Variants in NCK1 observed in about 807,000 individuals in gnomAD.
The protein encoded by NCK1 is NCK adaptor protein 1.
In NCK1, 19 loss-of-function variants were observed where a neutral mutation model predicts 36.6. The observed-to-expected ratio is 0.52, with a 90% confidence interval of 0.36 to 0.76. NCK1 has a LOEUF of 0.76. NCK1 is among the 30% of genes least tolerant of loss of function. The pLI is 0.00. For synonymous variants in NCK1, 165 were observed against 156.0 expected, an observed-to-expected ratio of 1.06 and a Z score of -0.43; for missense variants, 358 against 445.6, an observed-to-expected ratio of 0.80 and a Z score of 1.77.
intron 2 of NCK1, among the ~76,000 whole-genome samples, chr3:136,940,160 GC>G (rs556045327): frequency 2.8e-4 from 43 of 152,128 alleles, no homozygotes; most frequent in Non-Finnish European, 5.1e-4. Context: ...ACTGTGCCTG[GC>G]CTATTGAGCC....
intron 1 of NCK1, among the ~76,000 whole-genome samples, chr3:136,917,032 T>C (rs970810517): frequency 6.6e-6 from 1 of 152,180 alleles, no homozygotes; most frequent in Non-Finnish European, 1.5e-5. Flanking sequence ...AGGTGAAATA[T>C]TGTACATTTG....
intron 1 of NCK1, among the ~76,000 whole-genome samples, chr3:136,926,967 G>T (rs1971788): frequency 0.69 from 104,229 of 151,982 alleles, 36,003 homozygotes; most frequent in East Asian, 0.87. Flanking sequence ...AATAATGTTT[G>T]TATTTATTTA....
At chr3:136,920,365 A>G (rs1280276548) in intron 1 of NCK1, among the ~76,000 whole-genome samples, 3 of 152,214 alleles carry the variant, frequency 2.0e-5, no homozygotes, top group Admixed American at 6.5e-5. Flanking sequence ...GACAAAGGCA[A>G]AAGTGCTGTG....
chr3:136,896,927 G>A (rs971481359), intron 1 of NCK1, among the ~76,000 whole-genome samples: 1 of 152,196 alleles, frequency 6.6e-6, no homozygotes, highest in African/African-American at 2.4e-5. Context: ...TAACTACCCA[G>A]TAGTGGGATT....
chr3:136,943,365 G>T (rs1426787308), intron 2 of NCK1, among the ~76,000 whole-genome samples: 1 of 152,182 alleles, frequency 6.6e-6, no homozygotes, highest in African/African-American at 2.4e-5. Context: ...GTATAGACTG[G>T]ATTATTTTTA....
chr3:136,944,591 A>G (rs1233592571), intron 2 of NCK1, among the ~76,000 whole-genome samples: 1 of 152,212 alleles, frequency 6.6e-6, no homozygotes, highest in Admixed American at 6.5e-5. Flanking sequence ...AATTGAAGGG[A>G]CTAAATAGGA....
intron 3 of NCK1, among the ~76,000 whole-genome samples, chr3:136,947,839 A>G (rs958503842): frequency 6.6e-6 from 1 of 152,152 alleles, no homozygotes; most frequent in African/African-American, 2.4e-5. Flanking sequence ...TAAGACAGCT[A>G]CTGTTAGCTA....
intron 1 of NCK1, among the ~76,000 whole-genome samples, chr3:136,903,055 CCTAA>C (rs1939589133): frequency 6.6e-6 from 1 of 152,038 alleles, no homozygotes; most frequent in South Asian, 2.1e-4. Context: ...TGCTGGTGTC[CCTAA>C]CTATTATCGT....
At chr3:136,927,920 T>C in intron 1 of NCK1, 64 bp from the exon 2 acceptor site, 1 of 1,182,806 alleles carries the variant, frequency 8.5e-7, no homozygotes, top group Non-Finnish European at 1.2e-6. Flanking sequence ...TGTGTCTCTT[T>C]TGAAAAGCAT....
At chr3:136,930,997 A>G (rs540437842) in intron 2 of NCK1, among the ~76,000 whole-genome samples, 2 of 151,754 alleles carry the variant, frequency 1.3e-5, no homozygotes, top group South Asian at 4.2e-4. Flanking sequence ...TTTTTTAACT[A>G]CTTTTTGCTT....
At chr3:136,886,426 A>G (rs1024585044) in intron 1 of NCK1, among the ~76,000 whole-genome samples, 8 of 152,116 alleles carry the variant, frequency 5.3e-5, no homozygotes, top group African/African-American at 1.9e-4. Flanking sequence ...GTATACTCGA[A>G]CTCATCTCTA....
chr3:136,947,612 C>T (rs1433318), intron 3 of NCK1, among the ~76,000 whole-genome samples: 103,063 of 151,940 alleles, frequency 0.68, 35,286 homozygotes, highest in East Asian at 0.87. Context: ...CATTGAGACC[C>T]GGTTCCTGCA....
At chr3:136,877,163 A>G (rs1938798720) in intron 1 of NCK1, among the ~76,000 whole-genome samples, 1 of 152,190 alleles carries the variant, frequency 6.6e-6, no homozygotes, top group African/African-American at 2.4e-5. Flanking sequence ...AAATGAATCT[A>G]ATTGACATGC....
intron 1 of NCK1, among the ~76,000 whole-genome samples, chr3:136,874,114 A>G (rs6439673): frequency 0.68 from 103,871 of 152,080 alleles, 35,757 homozygotes; most frequent in East Asian, 0.87. Context: ...TGGACATTTG[A>G]TTTTCAGTTT....
chr3:136,951,025 C>T lies in NCK1; in HGVS notation c.*2572C>T, dbSNP rs138537441. On this transcript the variant is annotated 3_prime_UTR_variant, in exon 4 of 4. Coordinates refer to ENST00000481752, the MANE Select transcript of NCK1 (RefSeq NM_001291999.2). Reference sequence around the variant, plus strand: ...TATCACTATACAGTTAACACATGCACCTTGCACTATTAGTGACAAATAATA... The same window carrying T: ...TATCACTATACAGTTAACACATGCATCTTGCACTATTAGTGACAAATAATA... Among the ~76,000 whole-genome samples the T allele has an allele frequency of 6.6e-6, 1 of 152,268 alleles. No homozygotes were observed. Among genetic ancestry groups the T allele is most frequent in the East Asian group, 1.9e-4 (1 of 5,184 alleles).
At chr3:136,897,711 A>T (rs898567584) in intron 1 of NCK1, among the ~76,000 whole-genome samples, 1 of 152,118 alleles carries the variant, frequency 6.6e-6, no homozygotes, top group Non-Finnish European at 1.5e-5. Flanking sequence ...GCTCACTTTA[A>T]TCACAGTTCT....
At position 136,899,913 on chromosome 3, in the gene NCK1, T is replaced by C. The variant is rs1039673137; in HGVS notation, c.-18-28071T>C. On this transcript the variant is annotated intron_variant, in intron 1 of 3. Transcript: ENST00000481752. ...CTCTTCTAGTGGGATTTCTTCTTTC[T>C]GGAGATTGTTCAAATTAGGTTTTGG... 7 of 929,552 alleles carry C rather than the reference T, an allele frequency of 7.5e-6. No homozygotes were observed. In the African/African-American group the frequency reaches 8.2e-5, roughly 11 times the overall value. The allele number at this position is 929,552 out of a possible 1,614,324, so 57.6% of individuals were successfully genotyped here.
chr3:136,884,044 A>G (rs541577373), intron 1 of NCK1, among the ~76,000 whole-genome samples: 1 of 152,334 alleles, frequency 6.6e-6, no homozygotes, highest in East Asian at 1.9e-4. Context: ...GAGGAACAGT[A>G]GCTTGGATTA....
At chr3:136,929,537 AT>A (rs1286412326) in intron 2 of NCK1, among the ~76,000 whole-genome samples, 3 of 152,156 alleles carry the variant, frequency 2.0e-5, no homozygotes, top group Admixed American at 2.0e-4. Context: ...TCAGAAAGAG[AT>A]TTTCCTTCAG....
Sources: gnomAD v4.1 joint callset for allele counts (sites outside exome capture counted in the v4.1 genomes callset) on GRCh38, gnomAD v4.1.1 for gene constraint, MANE v1.5 for transcripts, NCBI Gene and HGNC (gene_info 2026-07-23, HGNC 2026-07-21) for gene names.